Variants in ATG10 observed in about 807,000 individuals in gnomAD.
ATG10 encodes the protein autophagy related 10.
Under a neutral mutation model 32.1 loss-of-function variants are expected in ATG10, and 30 were observed. That is an observed-to-expected ratio of 0.94 (90% CI 0.70 to 1.27). ATG10 has a LOEUF of 1.27. ATG10 is among the 50% of genes most tolerant of loss of function. The pLI, the probability that ATG10 is intolerant of heterozygous loss-of-function variation, is 0.00. For synonymous variants in ATG10, 87 were observed against 91.5 expected, an observed-to-expected ratio of 0.95 and a Z score of 0.28; for missense variants, 233 against 262.3, an observed-to-expected ratio of 0.89 and a Z score of 0.77.
At chr5:82,022,629 C>CTTTTTTTT (rs34410757) in intron 2 of ATG10, among the ~76,000 whole-genome samples, 1 of 135,218 alleles carries the variant, frequency 7.4e-6, no homozygotes. Context: ...AGCCAGTACT[C>CTTTTTTTT]TTTTTTTTTT....
intron 3 of ATG10, among the ~76,000 whole-genome samples, chr5:82,096,676 A>G (rs970704166): frequency 1.3e-5 from 2 of 152,174 alleles, no homozygotes; most frequent in African/African-American, 4.8e-5. Context: ...GTTCACTGAT[A>G]TTGGCATCCT....
At chr5:82,243,658 G>T (rs1746896866) in intron 5 of ATG10, among the ~76,000 whole-genome samples, 1 of 151,998 alleles carries the variant, frequency 6.6e-6, no homozygotes, top group Admixed American at 6.6e-5. Flanking sequence ...GATATATAAA[G>T]CAAAAACTGA....
chr5:82,252,129 G>C (rs993418727), intron 5 of ATG10, among the ~76,000 whole-genome samples: 6 of 152,192 alleles, frequency 3.9e-5, no homozygotes, highest in African/African-American at 1.4e-4. Flanking sequence ...TTTGTGTAAA[G>C]AAATATGCAA....
At chr5:82,049,073 A>T (rs1387404956) in intron 2 of ATG10, among the ~76,000 whole-genome samples, 9 of 151,442 alleles carry the variant, frequency 5.9e-5, no homozygotes, top group African/African-American at 1.5e-4. Context: ...ACTATAAATC[A>T]TGCTGCTATA....
At chr5:82,205,211 C>T (rs986341846) in intron 5 of ATG10, among the ~76,000 whole-genome samples, 1 of 152,144 alleles carries the variant, frequency 6.6e-6, no homozygotes, top group Non-Finnish European at 1.5e-5. Flanking sequence ...TCAGCAACAA[C>T]AACGTCATTT....
At chr5:82,101,971 C>T (rs1765288494) in intron 3 of ATG10, among the ~76,000 whole-genome samples, 1 of 152,180 alleles carries the variant, frequency 6.6e-6, no homozygotes, top group South Asian at 2.1e-4. Context: ...CAGATGCCAG[C>T]ATATTCTTTT....
At position 81,988,200 on chromosome 5, in the gene ATG10, G is replaced by A. The variant is rs1187188421; in HGVS notation, c.108+522G>A. On this transcript the variant is annotated intron_variant, in intron 2 of 7. Transcript: ENST00000282185. ...CCCCCACGCTGGAGTGCAGTGGCAT[G>A]ATCTTGGCTCACTGCAACCTCTGCC... is the stretch of plus-strand genomic sequence containing the variant. 2.6e-5 allele frequency among the ~76,000 whole-genome samples: 4 copies of A among 152,172 alleles called. No individual in the cohort carries two copies. In the East Asian group the frequency reaches 5.8e-4, roughly 22 times the overall value.
chr5:82,106,056 C>A (rs1765436996), intron 3 of ATG10, among the ~76,000 whole-genome samples: 1 of 152,058 alleles, frequency 6.6e-6, no homozygotes, highest in African/African-American at 2.4e-5. Context: ...CTTCTTCTGA[C>A]TAAACTGTTG....
intron 2 of ATG10, among the ~76,000 whole-genome samples, chr5:82,033,781 T>C (rs1447631246): frequency 6.6e-6 from 1 of 151,536 alleles, no homozygotes; most frequent in East Asian, 1.9e-4. Flanking sequence ...TATATACGTG[T>C]ATGTTTGTAC....
chr5:82,165,796 T>A (rs1030686844), intron 4 of ATG10, among the ~76,000 whole-genome samples: 1 of 152,198 alleles, frequency 6.6e-6, no homozygotes, highest in African/African-American at 2.4e-5. Context: ...GATATATTTG[T>A]TTATTCAGGG....
intron 5 of ATG10, among the ~76,000 whole-genome samples, chr5:82,227,872 T>C (rs987047820): frequency 2.6e-5 from 4 of 152,176 alleles, no homozygotes; most frequent in African/African-American, 9.7e-5. Flanking sequence ...GGGGATTAAA[T>C]TGATTCATAC....
intron 3 of ATG10, among the ~76,000 whole-genome samples, chr5:82,099,865 G>T (rs1052484137): frequency 1.3e-5 from 2 of 151,928 alleles, no homozygotes; most frequent in African/African-American, 4.8e-5. Context: ...CTATGCAAAT[G>T]GGGTGGTTAT....
At chr5:82,059,570 G>A (rs1249824692) in intron 3 of ATG10, among the ~76,000 whole-genome samples, 1 of 152,090 alleles carries the variant, frequency 6.6e-6, no homozygotes, top group Non-Finnish European at 1.5e-5. Flanking sequence ...TTTTGAAAGA[G>A]GATTGGTGAG....
intron 2 of ATG10, among the ~76,000 whole-genome samples, chr5:82,032,116 G>C (rs980687958): frequency 6.6e-6 from 1 of 152,190 alleles, no homozygotes; most frequent in Non-Finnish European, 1.5e-5. Context: ...GAGAGACTCT[G>C]GTTAGTATAA....
intron 5 of ATG10, among the ~76,000 whole-genome samples, chr5:82,229,845 G>T (rs1746282367): frequency 6.6e-6 from 1 of 152,118 alleles, no homozygotes; most frequent in Non-Finnish European, 1.5e-5. Flanking sequence ...GAGGTAGGGG[G>T]GTCCTGGAAC....
chr5:82,240,956 C>G (rs181498425), intron 5 of ATG10, among the ~76,000 whole-genome samples: 2 of 152,204 alleles, frequency 1.3e-5, no homozygotes, highest in Non-Finnish European at 2.9e-5. Flanking sequence ...ACTTTCATGA[C>G]AGCAGAGGTT....
chr5:82,046,996 T>TA (rs1221153864), intron 2 of ATG10, among the ~76,000 whole-genome samples: 1 of 151,594 alleles, frequency 6.6e-6, no homozygotes, highest in Non-Finnish European at 1.5e-5. Context: ...TTTTTTTTTT[T>TA]AAATTTTATC....
At chr5:81,977,318 C>T (rs1238177248) in intron 1 of ATG10, among the ~76,000 whole-genome samples, 2 of 152,208 alleles carry the variant, frequency 1.3e-5, no homozygotes, top group African/African-American at 4.8e-5. Flanking sequence ...TCCTTACCTA[C>T]TTCCCAGTAT....
At chr5:82,042,308 T>C (rs994060726) in intron 2 of ATG10, among the ~76,000 whole-genome samples, 1 of 152,164 alleles carries the variant, frequency 6.6e-6, no homozygotes, top group Non-Finnish European at 1.5e-5. Flanking sequence ...CATCAGATTT[T>C]GTGAGAATTC....
Sources: allele counts gnomAD v4.1 joint callset (sites outside exome capture counted in the v4.1 genomes callset), GRCh38; gene constraint gnomAD v4.1.1; transcripts MANE v1.5; gene names NCBI Gene and HGNC (gene_info 2026-07-23, HGNC 2026-07-21).